Variants in PTPRJ observed in about 807,000 individuals in gnomAD.
PTPRJ encodes the protein protein tyrosine phosphatase receptor type J, also known as receptor-type tyrosine-protein phosphatase eta.
In PTPRJ, 129 loss-of-function variants were observed where a neutral mutation model predicts 141.3. That is an observed-to-expected ratio of 0.91 (90% CI 0.79 to 1.06). PTPRJ has a LOEUF of 1.06. Among genes scored for constraint, PTPRJ ranks in the 50% least tolerant of loss-of-function variants. PTPRJ has a pLI of 0.00. For missense variants in PTPRJ, 1,601 were observed against 1,679.7 expected (o/e 0.95, Z 0.82); for synonymous variants, 610 against 640.5 (o/e 0.95, Z 0.72).
chr11:47,993,398 T>G (rs552861613), intron 1 of PTPRJ, among the ~76,000 whole-genome samples: 1 of 152,116 alleles, frequency 6.6e-6, no homozygotes, highest in Non-Finnish European at 1.5e-5. Flanking sequence ...GTTTAAGTGA[T>G]CCTCCTGCCT....
At chr11:48,147,843 T>G (rs1857386856) in intron 15 of PTPRJ, among the ~76,000 whole-genome samples, 1 of 151,764 alleles carries the variant, frequency 6.6e-6, no homozygotes. Context: ...GCTTTTAGGT[T>G]AGGTTCTGTT....
intron 1 of PTPRJ, among the ~76,000 whole-genome samples, chr11:47,985,062 A>G (rs780797169): frequency 4.0e-5 from 6 of 150,976 alleles, no homozygotes; most frequent in Non-Finnish European, 8.8e-5. Flanking sequence ...CATGTTGGCC[A>G]GGATGGTCTT....
chr11:48,073,273 C>G (rs1161503946), intron 1 of PTPRJ, among the ~76,000 whole-genome samples: 1 of 152,200 alleles, frequency 6.6e-6, no homozygotes, highest in African/African-American at 2.4e-5. Flanking sequence ...TACTGGCAGT[C>G]TCTATTCTAA....
At chr11:48,013,362 A>G (rs1332833649) in intron 1 of PTPRJ, among the ~76,000 whole-genome samples, 1 of 152,170 alleles carries the variant, frequency 6.6e-6, no homozygotes, top group Non-Finnish European at 1.5e-5. Context: ...GGTCAAGGCC[A>G]GTGGTCTATC....
At chr11:48,010,295 A>G (rs1173541423) in intron 1 of PTPRJ, among the ~76,000 whole-genome samples, 1 of 152,142 alleles carries the variant, frequency 6.6e-6, no homozygotes, top group East Asian at 1.9e-4. Flanking sequence ...CTCCTGCCTC[A>G]GCCTCCTGAG....
chr11:48,110,411 T>C (rs543105436), intron 2 of PTPRJ, among the ~76,000 whole-genome samples: 12 of 152,224 alleles, frequency 7.9e-5, no homozygotes, highest in Admixed American at 3.3e-4. Context: ...CTTCCCCATG[T>C]TGGTCTTGAA....
intron 1 of PTPRJ, among the ~76,000 whole-genome samples, chr11:47,996,380 G>A (rs1263769918): frequency 6.6e-6 from 1 of 151,712 alleles, no homozygotes. Flanking sequence ...AAGAGCATGG[G>A]CTTTGGTGTC....
In PTPRJ at chr11:48,164,558, A is replaced by ATTTTTTT. The variant is rs60806872; in HGVS notation, c.3855+63_3855+69dup. The stretch of plus-strand genomic sequence containing the variant: ...ATTTGACATTCCACCCTTCCCCTCC[A>ATTTTTTT]TTTTTTTTTTTTTTTTTTTTTTTTT... On this transcript the variant is annotated intron_variant, in intron 24 of 24. Transcript: ENST00000418331. 170 of 774,266 alleles carry ATTTTTTT rather than the reference A, an allele frequency of 2.2e-4. 4 individuals carry two copies. The highest frequency in any genetic ancestry group is 5.1e-4 in the South Asian group (19 of 37,216). The allele number at this position is 774,266 out of a possible 1,614,324, so 48.0% of individuals were successfully genotyped here.
At chr11:48,117,535 T>C (rs578055523) in intron 3 of PTPRJ, among the ~76,000 whole-genome samples, 6 of 67,696 alleles carry the variant, frequency 8.9e-5, no homozygotes, top group Admixed American at 5.5e-4. Context: ...AGCAAGATTC[T>C]GTCTCAAAAA....
At chr11:48,040,036 G>C (rs1179003279) in intron 1 of PTPRJ, among the ~76,000 whole-genome samples, 1 of 152,180 alleles carries the variant, frequency 6.6e-6, no homozygotes, top group Non-Finnish European at 1.5e-5. Context: ...TGATCTGCCC[G>C]CTGCAGCTTC....
Position 48,146,923 on chromosome 11 carries a change from A to AT in PTPRJ, c.2961dup (p.Val988CysfsTer19), listed in dbSNP as rs1270141308. ...TGGCTGTATCTTTGGTGCCCTGGTT[A>AT]TTGTGACTGTGGGAGGCTTCATCTT... On this transcript the variant is annotated frameshift_variant, in exon 15 of 25. Coordinates refer to ENST00000418331, the MANE Select transcript of PTPRJ (RefSeq NM_002843.4). LOFTEE classifies it high-confidence loss of function. 1 of 1,614,028 alleles carries AT rather than the reference A, an allele frequency of 6.2e-7. No individual in the cohort carries two copies. Among genetic ancestry groups the AT allele is most frequent in the Non-Finnish European group, 8.5e-7 (1 of 1,180,024 alleles).
At chr11:48,165,214 A>G (rs1590575277) in intron 24 of PTPRJ, among the ~76,000 whole-genome samples, 1 of 152,304 alleles carries the variant, frequency 6.6e-6, no homozygotes, top group East Asian at 1.9e-4. Context: ...AGCTAATGAA[A>G]CAAACTCATC....
chr11:48,088,398 C>T (rs1855771546), intron 1 of PTPRJ, among the ~76,000 whole-genome samples: 2 of 152,296 alleles, frequency 1.3e-5, no homozygotes, highest in South Asian at 4.1e-4. Flanking sequence ...CATAAATTAT[C>T]TTGTGGGAAT....
At chr11:48,020,426 A>C (rs1196021613) in intron 1 of PTPRJ, among the ~76,000 whole-genome samples, 2 of 152,064 alleles carry the variant, frequency 1.3e-5, no homozygotes, top group Admixed American at 1.3e-4. Context: ...CTGTTATGGG[A>C]GTATCTCTTG....
intron 1 of PTPRJ, among the ~76,000 whole-genome samples, chr11:48,085,431 G>A (rs1232919421): frequency 3.3e-5 from 5 of 151,990 alleles, no homozygotes; most frequent in Non-Finnish European, 7.4e-5. Flanking sequence ...TGCAACCTCC[G>A]CCTCCCGGGT....
intron 1 of PTPRJ, among the ~76,000 whole-genome samples, chr11:48,018,847 G>A (rs1855023330): frequency 6.6e-6 from 1 of 152,210 alleles, no homozygotes; most frequent in African/African-American, 2.4e-5. Context: ...TCATGCAAAT[G>A]GAAGCTGACA....
intron 6 of PTPRJ, 29 bp downstream of exon 6, chr11:48,125,215 G>A (rs759242612): frequency 1.2e-6 from 2 of 1,605,586 alleles, no homozygotes; most frequent in South Asian, 2.2e-5. Flanking sequence ...AATGGTGGCA[G>A]CCAGAGTTTC....
At chr11:48,031,300 A>T (rs1005341593) in intron 1 of PTPRJ, among the ~76,000 whole-genome samples, 1 of 152,212 alleles carries the variant, frequency 6.6e-6, no homozygotes, top group Non-Finnish European at 1.5e-5. Flanking sequence ...CCCTGGTGTC[A>T]GAAGACCTGG....
chr11:47,984,636 G>A (rs989151847), intron 1 of PTPRJ, among the ~76,000 whole-genome samples: 3 of 151,764 alleles, frequency 2.0e-5, no homozygotes, highest in Non-Finnish European at 2.9e-5. Context: ...TTGGCTCACC[G>A]CAACCTCCAC....
Sources: allele counts gnomAD v4.1 joint callset (sites outside exome capture counted in the v4.1 genomes callset), GRCh38; gene constraint gnomAD v4.1.1; transcripts MANE v1.5; gene names NCBI Gene and HGNC (gene_info 2026-07-23, HGNC 2026-07-21).